CDH19: variants seen among roughly 807,000 people sequenced by gnomAD.
CDH19 encodes the protein cadherin 19, also known as cadherin-19.
In CDH19, 67 loss-of-function variants were observed where a neutral mutation model predicts 64.2. That is an observed-to-expected ratio of 1.04 (90% CI 0.86 to 1.28). The LOEUF (loss-of-function observed/expected upper bound fraction) is 1.28, where lower values mean the gene tolerates loss of function less well. Among genes scored for constraint, CDH19 ranks in the 50% most tolerant of loss-of-function variants. The pLI is 0.00. For synonymous variants in CDH19, 346 were observed against 319.3 expected (o/e 1.08, Z -0.89); for missense variants, 1,030 against 929.0 (o/e 1.11, Z -1.41).
At chr18:66,570,119 A>G (rs1196701672) in intron 2 of CDH19, among the ~76,000 whole-genome samples, 1 of 151,674 alleles carries the variant, frequency 6.6e-6, no homozygotes, top group Non-Finnish European at 1.5e-5. Context: ...ATACAATCAA[A>G]TCAATATATC....
chr18:66,510,350 G>T (rs1430231511), intron 10 of CDH19, among the ~76,000 whole-genome samples: 2 of 150,528 alleles, frequency 1.3e-5, no homozygotes, highest in African/African-American at 4.9e-5. Context: ...GTGACCACAA[G>T]CATTAAACCA....
rs1216119223 is a variant in CDH19, at chr18:66,505,094, C to T, written c.2037G>A (p.Arg679=). ...CTTGCAAAGACTGCCTGTATAGGCT[C>T]CTGATCTCAGCGCTTGTGGTTTTCC... ...KTRKTTSAEI[R]SLYRQSLQVG... Residue 679 remains arginine (R), a synonymous_variant, in exon 12 of 12, where the codon AGG becomes AGA. Coordinates refer to ENST00000262150, the MANE Select transcript of CDH19 (RefSeq NM_021153.4). The T allele has an allele frequency of 1.9e-6, 3 of 1,613,556 alleles. No homozygotes were observed. The highest frequency in any genetic ancestry group is 1.7e-5 in the Admixed American group (1 of 59,920).
At chr18:66,575,061 T>C (rs935999317) in intron 1 of CDH19, among the ~76,000 whole-genome samples, 4 of 151,772 alleles carry the variant, frequency 2.6e-5, no homozygotes, top group African/African-American at 7.2e-5. Context: ...CTTAGTGCAA[T>C]AGTATAAGCA....
At chr18:66,587,739 A>T (rs546743859) in intron 1 of CDH19, among the ~76,000 whole-genome samples, 197 of 152,226 alleles carry the variant, frequency 1.3e-3, no homozygotes, top group African/African-American at 4.5e-3. Context: ...TCACTGAGTG[A>T]CTGTGAAACT....
chr18:66,601,315 A>C (rs1989033171), intron 1 of CDH19, among the ~76,000 whole-genome samples: 1 of 151,906 alleles, frequency 6.6e-6, no homozygotes, highest in South Asian at 2.1e-4. Flanking sequence ...GCTCATTTCC[A>C]CAGGAATGAC....
At chr18:66,507,516 G>T (rs1985259287) in intron 11 of CDH19, among the ~76,000 whole-genome samples, 1 of 151,650 alleles carries the variant, frequency 6.6e-6, no homozygotes, top group South Asian at 2.1e-4. Flanking sequence ...AAAGGAAAAG[G>T]TTATGCTAGA....
At chr18:66,585,461 C>T (rs1333247773) in intron 1 of CDH19, among the ~76,000 whole-genome samples, 4 of 151,968 alleles carry the variant, frequency 2.6e-5, no homozygotes, top group Non-Finnish European at 4.4e-5. Flanking sequence ...ACGAATAGCT[C>T]GACCTCTGGT....
Position 66,505,243 on chromosome 18 carries a change from T to C in CDH19, c.1888A>G (p.Lys630Glu), listed in dbSNP as rs1175285463. 1 of 1,599,146 alleles carries C rather than the reference T, an allele frequency of 6.3e-7. No homozygotes were observed. The change falls in exon 12 of 12, where the codon AAA becomes GAA. Residue 630 changes from lysine (K) to glutamate (E), a missense_variant. Physicochemically the swap from Lys to Glu is moderately conservative, Grantham distance 56. Transcript: ENST00000262150. ...ATATTCTCTCTGAAATCTTCACTTT[T>C]CTCAGGAAATAGAATCTGTTTTCTC... is the stretch of plus-strand genomic sequence containing the variant. ...QRRKQILFPE[K>E]SEDFRENIFQ...
In CDH19 at chr18:66,503,014, T is replaced by C. The variant is rs983754112; in HGVS notation, c.*1798A>G. The C allele has an allele frequency of 3.3e-5, 5 of 151,886 alleles. No homozygotes were observed. Among genetic ancestry groups the C allele is most frequent in the Non-Finnish European group, 5.9e-5 (4 of 67,838 alleles). The allele number at this position is 151,886 out of a possible 1,614,324, so 9.4% of individuals were successfully genotyped here. On this transcript the variant is annotated 3_prime_UTR_variant, in exon 12 of 12. Coordinates refer to ENST00000262150, the MANE Select transcript of CDH19 (RefSeq NM_021153.4). ...TATAACCATTTAACTACTTCATCAA[T>C]ATTTCAAAATTACTCAAATTATTTG...
rs74173408 is a variant in CDH19 at position 66,524,542 on chromosome 18, G to GTGTATATATATATATATA, written c.1458+5302_1458+5303insTATATATATATATATACA. 1.8e-4 allele frequency among the ~76,000 whole-genome samples: 17 copies of GTGTATATATATATATATA among 94,572 alleles called. No individual in the cohort carries two copies. The East Asian group carries it at 3.3e-3, about 19-fold the overall frequency. The allele number at this position is 94,572 out of a possible 152,430, so 62.0% of individuals were successfully genotyped here. ...ACAATATATGCGTGTATGTTTGTGT[G>GTGTATATATATATATATA]TATATATATATATATATATATATAT... On this transcript the variant is annotated intron_variant, in intron 9 of 11. Transcript: ENST00000262150.
In CDH19 at chr18:66,572,108, G is replaced by T; in HGVS notation, c.97C>A (p.Gln33Lys). Residue 33 changes from glutamine to lysine, a missense_variant, in exon 2 of 12, where the codon CAG (glutamine) becomes AAG (lysine). Coordinates refer to ENST00000262150, the MANE Select transcript of CDH19 (RefSeq NM_021153.4). ...TENSQTKKVK[Q>K]PVRSHLRVKR... is the part of the protein sequence containing the mutation. Reference sequence around the variant, plus strand: ...ACTCTCAAATGAGATCGCACTGGCTGCTTGACTTTCTTTGTTTGAGAGTTT... The same window carrying T: ...ACTCTCAAATGAGATCGCACTGGCTTCTTGACTTTCTTTGTTTGAGAGTTT... 3 of 1,611,612 alleles carry T rather than the reference G, an allele frequency of 1.9e-6. No individual in the cohort carries two copies. Among genetic ancestry groups the T allele is most frequent in the Non-Finnish European group, 2.5e-6 (3 of 1,178,462 alleles).
At position 66,504,203 on chromosome 18, in the gene CDH19, T is replaced by G. The variant is rs1030736472; in HGVS notation, c.*609A>C. On this transcript the variant is annotated 3_prime_UTR_variant, in exon 12 of 12. Transcript: ENST00000262150. ...AAGTTCTGTGATCCCCAGAAAGCCT[T>G]ATTTACATTTTCTCGTCTATTTTCC... 1.3e-5 allele frequency: 2 copies of G among 151,774 alleles called. No individual in the cohort carries two copies. The highest frequency in any genetic ancestry group is 2.4e-5 in the African/African-American group (1 of 41,392). The allele number at this position is 151,774 out of a possible 1,614,324, so 9.4% of individuals were successfully genotyped here.
intron 5 of CDH19, among the ~76,000 whole-genome samples, chr18:66,547,903 G>C (rs1264723389): frequency 1.4e-5 from 2 of 142,714 alleles, no homozygotes; most frequent in Non-Finnish European, 3.0e-5. Flanking sequence ...TCCTGACCTC[G>C]TGATCCGCCC....
chr18:66,600,748 T>C (rs956124210), intron 1 of CDH19, among the ~76,000 whole-genome samples: 4 of 151,868 alleles, frequency 2.6e-5, no homozygotes, highest in Non-Finnish European at 5.9e-5. Flanking sequence ...CATATGTGTG[T>C]GAAAACATCA....
intron 1 of CDH19, among the ~76,000 whole-genome samples, chr18:66,599,461 G>A (rs555644144): frequency 9.9e-5 from 15 of 152,112 alleles, no homozygotes; most frequent in South Asian, 6.2e-4. Context: ...TATGTTTCAC[G>A]TTTCAGAAGG....
chr18:66,518,177 T>C (rs1261614983), intron 9 of CDH19, among the ~76,000 whole-genome samples: 1 of 152,090 alleles, frequency 6.6e-6, no homozygotes, highest in African/African-American at 2.4e-5. Flanking sequence ...TGTGTGCCTT[T>C]TGAAGTCTTA....
intron 9 of CDH19, among the ~76,000 whole-genome samples, chr18:66,528,416 T>C (rs1193310394): frequency 6.6e-6 from 1 of 152,132 alleles, no homozygotes; most frequent in Non-Finnish European, 1.5e-5. Context: ...CTAGGGAAAG[T>C]GCAACACAAT....
At chr18:66,551,015 A>G in intron 5 of CDH19, 79 bp downstream of exon 5, 1 of 724,030 alleles carries the variant, frequency 1.4e-6, no homozygotes, top group Non-Finnish European at 2.2e-6. Flanking sequence ...TGCTTTTAGA[A>G]TGAAAACTAT....
rs140971354 is a variant in CDH19, at chr18:66,588,954, C to G, written c.-113+15000G>C. Among the ~76,000 whole-genome samples, 3 of 151,290 alleles carry G rather than the reference C, an allele frequency of 2.0e-5. No individual in the cohort carries two copies. In the East Asian group the frequency reaches 5.8e-4, roughly 29 times the overall value. ...ATAAACAAATAATGCTTCCTACTTCCAACAATAATAACAACACAAGAAAAA... is the reference window on the plus strand; with the variant it reads ...ATAAACAAATAATGCTTCCTACTTCGAACAATAATAACAACACAAGAAAAA... On this transcript the variant is annotated intron_variant, in intron 1 of 11. Transcript: ENST00000262150.
Sources: gnomAD v4.1 joint callset for allele counts (sites outside exome capture counted in the v4.1 genomes callset) on GRCh38, gnomAD v4.1.1 for gene constraint, MANE v1.5 for transcripts, NCBI Gene and HGNC (gene_info 2026-07-23, HGNC 2026-07-21) for gene names.